ICE1: variants seen among roughly 807,000 people sequenced by gnomAD.
The protein encoded by ICE1 is little elongation complex subunit 1.
A neutral mutation model predicts 192.7 loss-of-function variants in ICE1; 64 were observed. That is an observed-to-expected ratio of 0.33 (90% CI 0.27 to 0.41). The LOEUF is 0.41. Among genes scored for constraint, ICE1 ranks in the 10% least tolerant of loss-of-function variants. The pLI is 1.00. For synonymous variants in ICE1, 1,010 were observed against 984.5 expected, an observed-to-expected ratio of 1.03 and a Z score of -0.49; for missense variants, 2,708 against 2,696.0, an observed-to-expected ratio of 1.00 and a Z score of -0.10.
At chr5:5,477,123 A>G (rs1432305363) in intron 17 of ICE1, among the ~76,000 whole-genome samples, 2 of 152,068 alleles carry the variant, frequency 1.3e-5, no homozygotes, top group Non-Finnish European at 2.9e-5. Flanking sequence ...AGCCCTGCAG[A>G]ATTATCAGTG....
At chr5:5,466,541 C>T (rs369909761) in intron 14 of ICE1, 39 bp downstream of exon 14, 37 of 1,530,510 alleles carry the variant, frequency 2.4e-5, no homozygotes, top group African/African-American at 1.5e-4. Flanking sequence ...TGAAAATATA[C>T]GATTGCCTTT....
chr5:5,444,468 A>G (rs929378872), intron 7 of ICE1, 142 bp downstream of exon 7: 8 of 582,294 alleles, frequency 1.4e-5, no homozygotes, highest in African/African-American at 7.5e-5. Context: ...CAAGGGGTCT[A>G]TTAGAAAGAA....
Position 5,462,619 on chromosome 5 carries a change from T to C in ICE1, c.3285T>C (p.His1095=). 2 of 1,613,908 alleles carry C rather than the reference T, an allele frequency of 1.2e-6. No homozygotes were observed. Among genetic ancestry groups the C allele is most frequent in the Non-Finnish European group, 1.7e-6 (2 of 1,179,882 alleles). Residue 1095 remains histidine (H), a synonymous_variant, in exon 13 of 19, where the codon CAT becomes CAC. Coordinates refer to ENST00000296564, the MANE Select transcript of ICE1 (RefSeq NM_015325.3). ...AAAGTAGCCTGCCTGGTACCTTACATTGTTACACAGGCATTCGAGAGGGGG... is the reference window on the plus strand; with the variant it reads ...AAAGTAGCCTGCCTGGTACCTTACACTGTTACACAGGCATTCGAGAGGGGG... ...TSQSSLPGTL[H]CYTGIREGGD...
intron 1 of ICE1, among the ~76,000 whole-genome samples, chr5:5,424,142 A>G (rs1437688212): frequency 6.6e-6 from 1 of 152,240 alleles, no homozygotes; most frequent in East Asian, 1.9e-4. Context: ...TATGGTTGGC[A>G]TGAGCATAGT....
chr5:5,470,519 A>G (rs1739129817), intron 15 of ICE1, among the ~76,000 whole-genome samples: 1 of 152,182 alleles, frequency 6.6e-6, no homozygotes, highest in Non-Finnish European at 1.5e-5. Context: ...GGGGAATAAA[A>G]CCCCATTATA....
chr5:5,454,218 T>C (rs546003947), intron 10 of ICE1, among the ~76,000 whole-genome samples: 1 of 152,334 alleles, frequency 6.6e-6, no homozygotes, highest in East Asian at 1.9e-4. Flanking sequence ...GGTGAAAATA[T>C]GTGGGCCAAA....
chr5:5,453,337 G>C (rs752562784), intron 10 of ICE1, among the ~76,000 whole-genome samples: 10 of 152,132 alleles, frequency 6.6e-5, no homozygotes, highest in Non-Finnish European at 1.3e-4. Context: ...GCAGTGTCCA[G>C]CCTTTCACAC....
chr5:5,485,782 GA>G lies in ICE1; in HGVS notation c.6521-935del, dbSNP rs148200185. 7.7e-3 allele frequency among the ~76,000 whole-genome samples: 1,175 copies of G among 152,282 alleles called. 16 individuals carry two copies. Among genetic ancestry groups the G allele is most frequent in the African/African-American group, 0.027 (1,131 of 41,542 alleles). ...ATTTAATATCACCAATCTCATCACA[GA>G]AAAGTCTTAAATATTGTAAAGCTGT... On this transcript the variant is annotated intron_variant, in intron 17 of 18. Coordinates refer to ENST00000296564, the MANE Select transcript of ICE1 (RefSeq NM_015325.3).
In ICE1 at chr5:5,463,941, C is replaced by T. The variant is rs749524042; in HGVS notation, c.4607C>T (p.Ala1536Val). ...CAAAACTTCGAGACTCAGATTGTTG[C>T]GTCTGATCACACATATTATAACTCA... is the stretch of plus-strand genomic sequence containing the variant. ...YDQNFETQIV[A>V]SDHTYYNSKL... Residue 1536 changes from alanine to valine, a missense_variant, in exon 13 of 19, where the codon GCG becomes GTG. This residue lies in a region of ICE1 where 2,366 missense variants were observed against 2,276.6 expected (regional missense o/e 1.04). Transcript: ENST00000296564. The T allele has an allele frequency of 1.6e-5, 26 of 1,613,666 alleles. No homozygotes were observed. The Admixed American group carries it at 2.7e-4, about 17-fold the overall frequency.
intron 16 of ICE1, among the ~76,000 whole-genome samples, chr5:5,474,911 C>T (rs1739266708): frequency 6.6e-6 from 1 of 152,176 alleles, no homozygotes; most frequent in Non-Finnish European, 1.5e-5. Flanking sequence ...TCATGGCACT[C>T]CTGTATGAGA....
At chr5:5,444,077 A>G (rs1351624666) in intron 6 of ICE1, among the ~76,000 whole-genome samples, 1 of 152,222 alleles carries the variant, frequency 6.6e-6, no homozygotes, top group Admixed American at 6.5e-5. Flanking sequence ...GGCCCATGGC[A>G]TGTGTTTCAA....
chr5:5,473,929 G>A (rs527773471), intron 16 of ICE1, among the ~76,000 whole-genome samples, 181 bp downstream of exon 16: 55 of 151,982 alleles, frequency 3.6e-4, no homozygotes, highest in African/African-American at 9.6e-4. Flanking sequence ...CCTTCATCAC[G>A]GCCGGGCATG....
intron 10 of ICE1, among the ~76,000 whole-genome samples, chr5:5,452,959 G>A (rs1203336996): frequency 6.6e-6 from 1 of 152,142 alleles, no homozygotes; most frequent in Non-Finnish European, 1.5e-5. Flanking sequence ...TGAAGTTAAC[G>A]CTGAAGATGT....
chr5:5,464,176 A>T lies in ICE1; in HGVS notation c.4842A>T (p.Thr1614=), dbSNP rs376330082. Residue 1614 remains threonine, a synonymous_variant, in exon 13 of 19, where the codon ACA becomes ACT. Coordinates refer to ENST00000296564, the MANE Select transcript of ICE1 (RefSeq NM_015325.3). This position sits in a 1 kb window ranked among gnomAD's most constrained non-coding sequence, Gnocchi z 4.0. ...ILANADTSTP[T]DCSPDTLSKI... is the part of the protein sequence containing the mutation. ...CAAATGCTGATACATCCACTCCTAC[A>T]GATTGTTCTCCTGACACACTGAGTA... 26 of 1,613,688 alleles carry T rather than the reference A, an allele frequency of 1.6e-5. No individual in the cohort carries two copies. The African/African-American group carries it at 3.1e-4, about 19-fold the overall frequency.
chr5:5,458,232 A>G (rs751024854), intron 12 of ICE1, among the ~76,000 whole-genome samples: 1 of 152,194 alleles, frequency 6.6e-6, no homozygotes, highest in East Asian at 1.9e-4. Flanking sequence ...AAGCAGATGT[A>G]TATATTTTTG....
Position 5,465,036 on chromosome 5 carries a change from C to T in ICE1, c.5702C>T (p.Pro1901Leu), listed in dbSNP as rs1348538610. The T allele has an allele frequency of 3.1e-6, 5 of 1,613,948 alleles. No homozygotes were observed. Residue 1901 changes from proline to leucine, a missense_variant, in exon 13 of 19, where the codon CCT becomes CTT. Pro to Leu is a moderately conservative substitution (Grantham distance 98). Transcript: ENST00000296564. ...GCCGTCAGTGCAGTTTCACAGTTGC[C>T]TTTAAGCCCAAAAGAAACTGTGGAG... ...SPAVSAVSQL[P>L]LSPKETVESH...
chr5:5,447,912 A>T lies in ICE1; in HGVS notation c.604+15A>T. The T allele has an allele frequency of 6.5e-7, 1 of 1,549,206 alleles. No homozygotes were observed. ...CATAGATAAAAGTGAGTATATTGCAACTTTTGTTTTAATGTTGTGTATTGC... is the reference window on the plus strand; with the variant it reads ...CATAGATAAAAGTGAGTATATTGCATCTTTTGTTTTAATGTTGTGTATTGC... On this transcript the variant is annotated intron_variant, in intron 10 of 18. Transcript: ENST00000296564.
rs372962385 is a variant in ICE1, at chr5:5,468,802, T to G, written c.6062-26T>G. ...ATTTACTCGATCATACATCAAAGAG[T>G]TATTGTATTATTTTATTTCTGATAG... On this transcript the variant is annotated intron_variant, in intron 14 of 18. Coordinates refer to ENST00000296564, the MANE Select transcript of ICE1 (RefSeq NM_015325.3). The G allele has an allele frequency of 7.9e-6, 11 of 1,384,654 alleles. No individual in the cohort carries two copies. The African/African-American group carries it at 1.5e-4, about 19-fold the overall frequency. The allele number at this position is 1,384,654 out of a possible 1,614,324, so 85.8% of individuals were successfully genotyped here.
chr5:5,449,280 T>A (rs1432674870), intron 10 of ICE1, among the ~76,000 whole-genome samples: 12 of 152,204 alleles, frequency 7.9e-5, no homozygotes, highest in Admixed American at 7.9e-4. Flanking sequence ...TATTTAGCTG[T>A]GGACCTTGAT....
Sources: allele counts gnomAD v4.1 joint callset (sites outside exome capture counted in the v4.1 genomes callset), GRCh38; gene constraint gnomAD v4.1.1; regional missense constraint gnomAD v4.1.1; non-coding constraint Gnocchi (gnomAD v3.1); transcripts MANE v1.5; gene names NCBI Gene and HGNC (gene_info 2026-07-23, HGNC 2026-07-21).